Variants in SCRG1 observed in about 807,000 individuals in gnomAD.
SCRG1 encodes the protein stimulator of chondrogenesis 1.
SCRG1 carries 3 observed loss-of-function variants against 7.7 expected under a neutral mutation model. The observed-to-expected ratio is 0.39, with a 90% CI of 0.18 to 1.01. SCRG1 has a LOEUF of 1.01. SCRG1 is among the 50% of genes least tolerant of loss of function. SCRG1 has a pLI of 0.36. For missense variants in SCRG1, 110 were observed against 117.2 expected (o/e 0.94, Z 0.28); for synonymous variants, 46 against 41.2 (o/e 1.12, Z -0.44).
chr4:173,436,325 A>T, the SCRG1 span, among the ~76,000 whole-genome samples: 1 of 152,134 alleles, frequency 6.6e-6, no homozygotes. Context: ...CCTCTTTGTT[A>T]TGTCCACATT....
At chr4:173,493,854 T>C in the SCRG1 span, among the ~76,000 whole-genome samples, 2 of 152,146 alleles carry the variant, frequency 1.3e-5, no homozygotes, top group African/African-American at 4.8e-5. Context: ...TATTACCAAG[T>C]CTTTTCCAAG....
chr4:173,436,952 G>A, the SCRG1 span, among the ~76,000 whole-genome samples: 7 of 152,182 alleles, frequency 4.6e-5, no homozygotes, highest in African/African-American at 1.2e-4. Flanking sequence ...TTAGTTAGCC[G>A]TCCAAGCCTG....
chr4:173,481,352 G>A, the SCRG1 span, among the ~76,000 whole-genome samples: 2 of 152,124 alleles, frequency 1.3e-5, no homozygotes, highest in Non-Finnish European at 2.9e-5. Flanking sequence ...ACTTTTCCAC[G>A]TGAGTTAATT....
the SCRG1 span, among the ~76,000 whole-genome samples, chr4:173,502,264 A>G: frequency 2.0e-5 from 3 of 152,132 alleles, no homozygotes; most frequent in Non-Finnish European, 4.4e-5. The surrounding 1 kb of genome is among the most constrained non-coding windows in gnomAD (Gnocchi z 4.6). Flanking sequence ...TGTGAGCCAC[A>G]TGGTCCGCGA....
At chr4:173,408,578 T>C (rs1248613371), upstream of SCRG1, among the ~76,000 whole-genome samples, 1 of 152,226 alleles carries the variant, frequency 6.6e-6, no homozygotes, top group Non-Finnish European at 1.5e-5. Flanking sequence ...TAAGTTACTT[T>C]ATGTAAAATA....
At chr4:173,401,497 T>C (rs1177122809), upstream of SCRG1, among the ~76,000 whole-genome samples, 2 of 152,236 alleles carry the variant, frequency 1.3e-5, no homozygotes, top group African/African-American at 4.8e-5. Flanking sequence ...TCTGTTTTAC[T>C]CTTATTTCCC....
chr4:173,391,386 A>G lies in SCRG1; in HGVS notation c.29T>C (p.Ile10Thr), dbSNP rs147272146. 200 of 1,614,090 alleles carry G rather than the reference A, an allele frequency of 1.2e-4. No individual in the cohort carries two copies. Among genetic ancestry groups the G allele is most frequent in the Middle Eastern group, 1.6e-4 (1 of 6,084 alleles). MKLMVLVFT[I>T]GLTLLLGVQA... ...AACTCCTAGCAGCAAAGTTAGCCCA[A>G]TGGTGAAAACAAGTACCATCAGTTT... Residue 10 changes from isoleucine to threonine, a missense_variant, in exon 2 of 3, where the codon ATT (isoleucine) becomes ACT (threonine). Transcript: ENST00000296506.
At chr4:173,396,712 TTG>T (rs71594043) in intron 1 of SCRG1, among the ~76,000 whole-genome samples, 13 of 107,072 alleles carry the variant, frequency 1.2e-4, no homozygotes, top group East Asian at 2.8e-4. Flanking sequence ...ACTGGTAGTT[TTG>T]TGTGTGTGTG....
At chr4:173,468,921 A>G in the SCRG1 span, 2 of 152,172 alleles carry the variant, frequency 1.3e-5, no homozygotes, top group East Asian at 1.9e-4. Flanking sequence ...AAGTGCTCAG[A>G]AAGTCTTGTT....
Position 173,386,982 on chromosome 4 carries a change from T to C in SCRG1, c.*1359A>G, listed in dbSNP as rs959564422. ...GATGGCAATATGAGTCACATACCTC[T>C]TAAGTTATGGGGCATAATCCAAAGC... is the stretch of plus-strand genomic sequence containing the variant. On this transcript the variant is annotated 3_prime_UTR_variant, in exon 3 of 3. Transcript: ENST00000296506. 1.3e-5 allele frequency: 2 copies of C among 152,184 alleles called. No individual in the cohort carries two copies. The highest frequency in any genetic ancestry group is 2.9e-5 in the Non-Finnish European group (2 of 68,020). 9.4% of individuals were successfully genotyped at this position (152,184 alleles called of 1,614,324 possible). A position where few individuals can be genotyped will look rare whatever the true frequency, so the allele number is the denominator to read the frequency against.
At chr4:173,455,240 AC>A in the SCRG1 span, among the ~76,000 whole-genome samples, 209 of 152,208 alleles carry the variant, frequency 1.4e-3, no homozygotes, top group Middle Eastern at 3.4e-3. Context: ...CAGGAGTCAA[AC>A]TTTATATATT....
chr4:173,508,919 C>CT, the SCRG1 span, among the ~76,000 whole-genome samples: 2 of 152,206 alleles, frequency 1.3e-5, no homozygotes, highest in South Asian at 4.1e-4. The surrounding 1 kb of genome is among the most constrained non-coding windows in gnomAD (Gnocchi z 4.4). Flanking sequence ...TCCCTGCACT[C>CT]TGACAGTTTC....
the SCRG1 span, among the ~76,000 whole-genome samples, chr4:173,519,040 C>A: frequency 7.3e-5 from 11 of 151,486 alleles, no homozygotes; most frequent in African/African-American, 1.5e-4. Context: ...GCTAGGCGAA[C>A]AGGAACCCCC....
At chr4:173,432,048 A>C in the SCRG1 span, among the ~76,000 whole-genome samples, 1 of 152,336 alleles carries the variant, frequency 6.6e-6, no homozygotes, top group Admixed American at 6.5e-5. Flanking sequence ...TCCAACTTAG[A>C]GGTAAAAGCC....
the SCRG1 span, among the ~76,000 whole-genome samples, chr4:173,484,873 T>C: frequency 4.0e-5 from 3 of 75,280 alleles, no homozygotes; most frequent in African/African-American, 5.6e-5. Context: ...GTATATTTTA[T>C]ATATTATATA....
chr4:173,481,972 T>C, the SCRG1 span, among the ~76,000 whole-genome samples: 1 of 152,196 alleles, frequency 6.6e-6, no homozygotes, highest in Non-Finnish European at 1.5e-5. Flanking sequence ...ACTTTTTTTT[T>C]TAATCAGCCT....
upstream of SCRG1, among the ~76,000 whole-genome samples, chr4:173,410,069 C>A (rs1479017919): frequency 6.6e-6 from 1 of 152,176 alleles, no homozygotes; most frequent in East Asian, 1.9e-4. Flanking sequence ...GGGAAGGGAT[C>A]TCCGTCCCAT....
the SCRG1 span, among the ~76,000 whole-genome samples, chr4:173,429,623 G>A: frequency 2.0e-5 from 3 of 152,220 alleles, no homozygotes; most frequent in Non-Finnish European, 4.4e-5. Flanking sequence ...TTGTTCGTGA[G>A]GGGTGAGCAG....
At chr4:173,456,431 C>T in the SCRG1 span, among the ~76,000 whole-genome samples, 143 of 152,212 alleles carry the variant, frequency 9.4e-4, no homozygotes, top group African/African-American at 3.3e-3. Flanking sequence ...GAAAATCATA[C>T]GACACCCCAA....
Sources: gnomAD v4.1 joint callset for allele counts (sites outside exome capture counted in the v4.1 genomes callset) on GRCh38, gnomAD v4.1.1 for gene constraint, Gnocchi (gnomAD v3.1) non-coding constraint, MANE v1.5 for transcripts, NCBI Gene and HGNC (gene_info 2026-07-23, HGNC 2026-07-21) for gene names.